Variants in BNC2 observed in about 807,000 individuals in gnomAD.
The protein encoded by BNC2 is zinc finger protein basonuclin-2.
A neutral mutation model predicts 76.3 loss-of-function variants in BNC2; 20 were observed. The observed-to-expected ratio is 0.26, with a 90% confidence interval of 0.18 to 0.38. BNC2 has a LOEUF of 0.38. Ranked by LOEUF, BNC2 falls within the 10% of genes least tolerant of loss-of-function variation. The pLI, the probability that BNC2 is intolerant of heterozygous loss-of-function variation, is 1.00. For missense variants in BNC2, 1,382 were observed against 1,399.8 expected (o/e 0.99, Z 0.20); for synonymous variants, 582 against 514.8 (o/e 1.13, Z -1.77).
rs952003984 is a variant in BNC2, at chr9:16,547,385, C to A, written c.669+5145G>T. ...AGGGCCTTTTGACAAACTGAAGTTA[C>A]TGGTTATTCCATGAGTTCCATGGTG... On this transcript the variant is annotated intron_variant, in intron 5 of 6. Coordinates refer to ENST00000380672, the MANE Select transcript of BNC2 (RefSeq NM_017637.6). Among the ~76,000 whole-genome samples the A allele has an allele frequency of 3.9e-5, 6 of 152,344 alleles. 1 individual carries two copies. The South Asian group carries it at 1.2e-3, about 32-fold the overall frequency.
intron 1 of BNC2, among the ~76,000 whole-genome samples, chr9:16,746,729 G>A (rs1186039689): frequency 3.3e-5 from 5 of 151,490 alleles, no homozygotes; most frequent in African/African-American, 4.8e-5. Context: ...TTTGGAGGCC[G>A]AGGCAGGCGG....
chr9:16,541,810 C>A (rs1818329147), intron 5 of BNC2, among the ~76,000 whole-genome samples: 1 of 152,118 alleles, frequency 6.6e-6, no homozygotes, highest in Non-Finnish European at 1.5e-5. Flanking sequence ...GCCTGACCTA[C>A]CATGACCATA....
intron 6 of BNC2, chr9:16,434,866 T>C (rs962946244): frequency 6.5e-6 from 3 of 459,204 alleles, no homozygotes; most frequent in Admixed American, 2.3e-5. Context: ...TTTAGAGATG[T>C]GCTCAAAGAC....
intron 1 of BNC2, among the ~76,000 whole-genome samples, chr9:16,864,852 G>A (rs1236953498): frequency 6.6e-6 from 1 of 151,976 alleles, no homozygotes; most frequent in Non-Finnish European, 1.5e-5. Flanking sequence ...CTAATGAAAG[G>A]TTAAATGAAT....
chr9:16,791,505 T>G (rs1301782086), intron 1 of BNC2, among the ~76,000 whole-genome samples: 2 of 152,242 alleles, frequency 1.3e-5, no homozygotes, highest in Non-Finnish European at 2.9e-5. Flanking sequence ...ATACAAATTA[T>G]TTTAGAATGA....
chr9:16,743,555 G>A (rs16934964), intron 1 of BNC2, among the ~76,000 whole-genome samples: 4,341 of 152,210 alleles, frequency 0.029, 146 homozygotes, highest in East Asian at 0.085. Flanking sequence ...CATTAATACC[G>A]GAGAGCAAGC....
At chr9:16,487,490 G>A (rs1381582213) in intron 5 of BNC2, among the ~76,000 whole-genome samples, 4 of 152,120 alleles carry the variant, frequency 2.6e-5, no homozygotes, top group Admixed American at 2.6e-4. Flanking sequence ...CTGCACAGTG[G>A]GCACAAGCTC....
chr9:16,593,417 C>T lies in BNC2; in HGVS notation c.331-10332G>A, dbSNP rs570668569. ...TACTATCAATCGATATAAGAAAGGC[C>T]CCATTTAAATAATTTAGAAGTTCAG... On this transcript the variant is annotated intron_variant, in intron 3 of 6. Coordinates refer to ENST00000380672, the MANE Select transcript of BNC2 (RefSeq NM_017637.6). Among the ~76,000 whole-genome samples, 171 of 151,980 alleles carry T rather than the reference C, an allele frequency of 1.1e-3. 1 individual carries two copies. The highest frequency in any genetic ancestry group is 4.0e-3 in the African/African-American group (166 of 41,460).
chr9:16,651,633 T>C (rs1432131154), intron 3 of BNC2, among the ~76,000 whole-genome samples: 2 of 152,154 alleles, frequency 1.3e-5, no homozygotes, highest in African/African-American at 4.8e-5. Flanking sequence ...TGCGATGCTA[T>C]AAAATGGCTC....
intron 5 of BNC2, among the ~76,000 whole-genome samples, chr9:16,498,890 T>G (rs1822457389): frequency 1.3e-5 from 2 of 152,152 alleles, no homozygotes; most frequent in Non-Finnish European, 2.9e-5. Context: ...CCAGGGGTTG[T>G]CACCATCTTC....
intron 4 of BNC2, among the ~76,000 whole-genome samples, chr9:16,569,689 T>A (rs933815322): frequency 3.3e-5 from 5 of 152,190 alleles, no homozygotes; most frequent in Non-Finnish European, 5.9e-5. Flanking sequence ...CATGGCCCAC[T>A]TTTGGGGGCA....
Position 16,823,173 on chromosome 9 carries a change from T to C in BNC2, c.3+47473A>G, listed in dbSNP as rs1200618458. Among the ~76,000 whole-genome samples, 3 of 152,168 alleles carry C rather than the reference T, an allele frequency of 2.0e-5. No homozygotes were observed. In the East Asian group the frequency reaches 5.8e-4, roughly 29 times the overall value. ...TACAAGAACCACAGTAAATAGTTTA[T>C]TAAAAAACAAACAGTACTCTTATTA... On this transcript the variant is annotated intron_variant, in intron 1 of 6. Transcript: ENST00000380672.
chr9:16,456,682 T>C (rs1821456439), intron 5 of BNC2, among the ~76,000 whole-genome samples: 1 of 152,218 alleles, frequency 6.6e-6, no homozygotes, highest in South Asian at 2.1e-4. Context: ...CTTCTGCTTC[T>C]TTCTTGTCCT....
intron 3 of BNC2, among the ~76,000 whole-genome samples, chr9:16,643,422 C>T (rs1821543254): frequency 6.6e-6 from 1 of 151,910 alleles, no homozygotes; most frequent in Non-Finnish European, 1.5e-5. Flanking sequence ...CAACCCCAAA[C>T]ATAAGTAAGA....
intron 1 of BNC2, among the ~76,000 whole-genome samples, chr9:16,751,476 C>G (rs758418092): frequency 2.2e-4 from 34 of 151,826 alleles, no homozygotes; most frequent in Non-Finnish European, 4.3e-4. Flanking sequence ...CTCCCTATCT[C>G]TCGACTTCCC....
At chr9:16,446,190 C>T (rs1821227921) in intron 5 of BNC2, among the ~76,000 whole-genome samples, 1 of 152,116 alleles carries the variant, frequency 6.6e-6, no homozygotes, top group African/African-American at 2.4e-5. Context: ...TTGGCTCACT[C>T]TTATTATATA....
At chr9:16,651,141 G>C (rs1368822077) in intron 3 of BNC2, among the ~76,000 whole-genome samples, 2 of 152,110 alleles carry the variant, frequency 1.3e-5, no homozygotes, top group Non-Finnish European at 1.5e-5. Context: ...CTTGAATACA[G>C]AAACAATGGT....
chr9:16,581,295 C>G (rs1389444445), intron 4 of BNC2, among the ~76,000 whole-genome samples: 2 of 152,162 alleles, frequency 1.3e-5, no homozygotes. Context: ...CACAGTGGCT[C>G]ACACCTATAA....
intron 3 of BNC2, among the ~76,000 whole-genome samples, chr9:16,650,191 A>G (rs1371432541): frequency 1.3e-5 from 2 of 152,242 alleles, no homozygotes; most frequent in African/African-American, 4.8e-5. Context: ...TTTAAAATTC[A>G]AAACAATATT....
Sources: allele counts gnomAD v4.1 joint callset (sites outside exome capture counted in the v4.1 genomes callset), GRCh38; gene constraint gnomAD v4.1.1; transcripts MANE v1.5; gene names NCBI Gene and HGNC (gene_info 2026-07-23, HGNC 2026-07-21).